The following PCDHA12 variants were observed in gnomAD, a reference collection of about 807,000 sequenced individuals.
PCDHA12 encodes protocadherin alpha 12, also known as protocadherin alpha-12.
A neutral mutation model predicts 60.0 loss-of-function variants in PCDHA12; 44 were observed. The observed-to-expected ratio is 0.73, with a 90% CI of 0.58 to 0.94. The LOEUF (loss-of-function observed/expected upper bound fraction) is 0.94. Ranked by LOEUF, PCDHA12 falls within the 40% of genes least tolerant of loss-of-function variation. PCDHA12 has a pLI of 0.00. For missense variants in PCDHA12, 1,276 were observed against 1,239.7 expected (o/e 1.03, Z -0.44); for synonymous variants, 569 against 553.0 (o/e 1.03, Z -0.40).
At chr5:140,969,170 G>A in intron 1 of PCDHA12, 1 of 1,614,114 alleles carries the variant, frequency 6.2e-7, no homozygotes. Flanking sequence ...AGCAGGCTCA[G>A]GGAGTGACAC....
intron 1 of PCDHA12, among the ~76,000 whole-genome samples, chr5:140,937,638 C>T (rs1563161991): frequency 6.7e-6 from 1 of 150,048 alleles, no homozygotes; most frequent in Non-Finnish European, 1.5e-5. Flanking sequence ...AAAGGCAGGG[C>T]ATGGTGGCTC....
chr5:140,889,814 CATA>C (rs1463937516), intron 1 of PCDHA12, among the ~76,000 whole-genome samples: 6 of 152,048 alleles, frequency 3.9e-5, no homozygotes, highest in Non-Finnish European at 7.4e-5. Context: ...GAAGTCAGGT[CATA>C]AGAAGTCTTA....
intron 1 of PCDHA12, among the ~76,000 whole-genome samples, chr5:140,898,172 G>A (rs1262400829): frequency 2.6e-5 from 4 of 152,162 alleles, no homozygotes; most frequent in African/African-American, 9.7e-5. Context: ...TTCTTTTGCT[G>A]TGCAGAAGCT....
chr5:140,967,088 GAGGCGCTGTGTGAGC>G, intron 1 of PCDHA12: 1 of 1,613,226 alleles, frequency 6.2e-7, no homozygotes, highest in Non-Finnish European at 8.5e-7. Context: ...CATTGATCGG[GAGGCGCTGTGTGAGC>G]AGCGGCCTCG....
At chr5:140,908,470 G>C (rs2073991280) in intron 1 of PCDHA12, among the ~76,000 whole-genome samples, 1 of 152,186 alleles carries the variant, frequency 6.6e-6, no homozygotes, top group Non-Finnish European at 1.5e-5. Flanking sequence ...AAAGCACCCA[G>C]TTCATGATAG....
At chr5:141,006,375 CTAAG>C (rs2098270775) in intron 3 of PCDHA12, among the ~76,000 whole-genome samples, 1 of 151,930 alleles carries the variant, frequency 6.6e-6, no homozygotes, top group Admixed American at 6.6e-5. Flanking sequence ...CCACGCCCGG[CTAAG>C]TTTTTTCTAT....
rs115890668 is a variant in PCDHA12 at position 140,925,958 on chromosome 5, A to G, written c.2367+48119A>G. Among the ~76,000 whole-genome samples, 1,223 of 152,250 alleles carry G rather than the reference A, an allele frequency of 8.0e-3. 5 individuals carry two copies. The highest frequency in any genetic ancestry group is 0.019 in the African/African-American group (788 of 41,548). On this transcript the variant is annotated intron_variant, in intron 1 of 3. Coordinates refer to ENST00000398631, the MANE Select transcript of PCDHA12 (RefSeq NM_018903.4). ...GCCTCTTGGAGAAGGAGAAACTGCT[A>G]TCACGCAAAAAAAAAGCCTTGAGCT... is the stretch of plus-strand genomic sequence containing the variant.
chr5:140,912,640 T>C (rs181860319), intron 1 of PCDHA12, among the ~76,000 whole-genome samples: 5 of 152,296 alleles, frequency 3.3e-5, no homozygotes, highest in Non-Finnish European at 7.4e-5. Flanking sequence ...TTCAGTACTA[T>C]GTTGAATAGA....
chr5:140,898,138 T>C (rs1294129650), intron 1 of PCDHA12, among the ~76,000 whole-genome samples: 1 of 152,208 alleles, frequency 6.6e-6, no homozygotes, highest in African/African-American at 2.4e-5. Flanking sequence ...ATTTTGTAGG[T>C]TGCCTGTTCA....
At position 140,877,744 on chromosome 5, in the gene PCDHA12, G is replaced by T. The variant is rs200651425; in HGVS notation, c.2272G>T (p.Val758Leu). ...WSYSQQRRQR[V>L]CSAESPPKTD... ...TTACTCGCAGCAGAGGAGGCAGAGG[G>T]TGTGCTCTGCAGAGAGCCCGCCCAA... Residue 758 changes from valine (V) to leucine (L), a missense_variant, in exon 1 of 4, where the codon GTG becomes TTG. By Grantham distance (32) the Val-to-Leu change is conservative. Coordinates refer to ENST00000398631, the MANE Select transcript of PCDHA12 (RefSeq NM_018903.4). The T allele has an allele frequency of 3.3e-3, 5,393 of 1,614,198 alleles. 26 individuals carry two copies. Among genetic ancestry groups the T allele is most frequent in the South Asian group, 0.011 (995 of 91,084 alleles).
intron 3 of PCDHA12, among the ~76,000 whole-genome samples, chr5:140,990,782 C>T (rs1460964532): frequency 2.0e-5 from 3 of 152,120 alleles, no homozygotes; most frequent in Non-Finnish European, 1.5e-5. Context: ...CTGTGTTGGA[C>T]GATGAACCAT....
intron 1 of PCDHA12, among the ~76,000 whole-genome samples, chr5:140,894,932 A>G (rs2064735231): frequency 6.6e-6 from 1 of 152,184 alleles, no homozygotes; most frequent in Non-Finnish European, 1.5e-5. Flanking sequence ...ATTTCTATTC[A>G]GCTATTGTCA....
chr5:140,905,880 A>C (rs1485985374), intron 1 of PCDHA12, among the ~76,000 whole-genome samples: 1 of 152,172 alleles, frequency 6.6e-6, no homozygotes, highest in Non-Finnish European at 1.5e-5. Context: ...AGGCCCAACA[A>C]TAGGCCATCT....
At chr5:141,006,689 G>C (rs1249412460) in intron 3 of PCDHA12, among the ~76,000 whole-genome samples, 3 of 152,072 alleles carry the variant, frequency 2.0e-5, no homozygotes, top group African/African-American at 7.2e-5. Flanking sequence ...TGGGAGAAGA[G>C]GACAGAGTCA....
In PCDHA12 at chr5:140,967,672, C is replaced by G. The variant is rs781956405; in HGVS notation, c.2368-11277C>G. 36 of 1,614,182 alleles carry G rather than the reference C, an allele frequency of 2.2e-5. No individual in the cohort carries two copies. The South Asian group carries it at 3.8e-4, about 17-fold the overall frequency. ...ACTCCTTGAGCAGCTACACGTCGGACCGGGAGAGGCAGCTCTTCAGCATAG... is the reference window on the plus strand; with the variant it reads ...ACTCCTTGAGCAGCTACACGTCGGAGCGGGAGAGGCAGCTCTTCAGCATAG... On this transcript the variant is annotated intron_variant, in intron 1 of 3. Transcript: ENST00000398631.
rs371069140 is a variant in PCDHA12, at chr5:141,011,291, A to G, written c.*1354A>G. ...CTCTTTGGTTTAGTTTTCCTTTTCT[A>G]TAACACTCTGAATTGCTAATCTTAC... is the stretch of plus-strand genomic sequence containing the variant. On this transcript the variant is annotated 3_prime_UTR_variant, in exon 4 of 4. Coordinates refer to ENST00000398631, the MANE Select transcript of PCDHA12 (RefSeq NM_018903.4). 6 of 153,852 alleles carry G rather than the reference A, an allele frequency of 3.9e-5. No homozygotes were observed. The highest frequency in any genetic ancestry group is 8.8e-5 in the Non-Finnish European group (6 of 68,024). 9.5% of individuals were successfully genotyped at this position (153,852 alleles called of 1,614,324 possible).
At chr5:140,959,234 G>A (rs2095475246) in intron 1 of PCDHA12, among the ~76,000 whole-genome samples, 2 of 152,106 alleles carry the variant, frequency 1.3e-5, no homozygotes, top group Admixed American at 6.5e-5. Context: ...AAAATTATCT[G>A]GGCATGATAG....
At chr5:140,972,660 A>ATTTTTTTTTTTTTTTTTTTTTTTTTT (rs11350929) in intron 1 of PCDHA12, among the ~76,000 whole-genome samples, 1 of 117,268 alleles carries the variant, frequency 8.5e-6, no homozygotes, top group Non-Finnish European at 1.7e-5. Context: ...AAGAAACCAA[A>ATTTTTTTTTTTTTTTTTTTTTTTTTT]TTTTTTTTTT....
Position 140,925,082 on chromosome 5 carries a change from A to AAAGGAAGG in PCDHA12, c.2367+47261_2367+47268dup, listed in dbSNP as rs138596875. 2.5e-3 allele frequency among the ~76,000 whole-genome samples: 363 copies of AAAGGAAGG among 147,386 alleles called. 3 individuals carry two copies. The highest frequency in any genetic ancestry group is 8.0e-3 in the African/African-American group (310 of 38,948). ...GCAACAAAGCAACACGCTCATCTGG[A>AAAGGAAGG]AAGGAAGGAAGGAAGGAAGGAAGGA... On this transcript the variant is annotated intron_variant, in intron 1 of 3. Transcript: ENST00000398631.
Sources: allele counts gnomAD v4.1 joint callset (sites outside exome capture counted in the v4.1 genomes callset), GRCh38; gene constraint gnomAD v4.1.1; transcripts MANE v1.5; gene names NCBI Gene and HGNC (gene_info 2026-07-23, HGNC 2026-07-21).